C6: variants seen among roughly 807,000 people sequenced by gnomAD.
The protein encoded by C6 is complement C6.
C6 carries 101 observed loss-of-function variants against 112.9 expected under a neutral mutation model. That is an observed-to-expected ratio of 0.89 (90% CI 0.76 to 1.06). C6 has a LOEUF of 1.06. Among genes scored for constraint, C6 ranks in the 50% least tolerant of loss-of-function variants. C6 has a pLI of 0.00. For missense variants in C6, 1,202 were observed against 1,104.6 expected (o/e 1.09, Z -1.25); for synonymous variants, 431 against 384.1 (o/e 1.12, Z -1.43).
intron 9 of C6, among the ~76,000 whole-genome samples, chr5:41,167,485 T>C (rs1201801864): frequency 6.6e-6 from 1 of 152,140 alleles, no homozygotes; most frequent in Non-Finnish European, 1.5e-5. Context: ...GATGGATTCC[T>C]TAGTGCAGGC....
intron 17 of C6, among the ~76,000 whole-genome samples, chr5:41,146,354 T>C (rs1001186152): frequency 2.0e-5 from 3 of 152,010 alleles, no homozygotes; most frequent in African/African-American, 7.2e-5. Flanking sequence ...AGGAAAAGAG[T>C]AGCTAAGAGC....
chr5:41,194,477 G>T (rs2150351855), intron 5 of C6, among the ~76,000 whole-genome samples: 2 of 152,140 alleles, frequency 1.3e-5, no homozygotes, highest in East Asian at 3.9e-4. Flanking sequence ...CTCGGGTTTG[G>T]TTCAATATTT....
At chr5:41,232,411 T>C (rs1016056120) in intron 1 of C6, among the ~76,000 whole-genome samples, 2 of 152,128 alleles carry the variant, frequency 1.3e-5, no homozygotes, top group Non-Finnish European at 2.9e-5. Flanking sequence ...AGAGAATTTG[T>C]CTTAACCACA....
chr5:41,230,586 G>T (rs1486708448), intron 1 of C6, among the ~76,000 whole-genome samples: 1 of 152,158 alleles, frequency 6.6e-6, no homozygotes, highest in African/African-American at 2.4e-5. Context: ...TCAAGACAAT[G>T]TGTGCACAGC....
chr5:41,210,358 T>C (rs918737054), intron 1 of C6, among the ~76,000 whole-genome samples: 2 of 152,054 alleles, frequency 1.3e-5, no homozygotes, highest in Non-Finnish European at 2.9e-5. Context: ...AAAGCCAAAA[T>C]TGACAAATGG....
chr5:41,183,412 A>T (rs144172933), intron 6 of C6, among the ~76,000 whole-genome samples: 2 of 152,312 alleles, frequency 1.3e-5, no homozygotes, highest in African/African-American at 4.8e-5. Flanking sequence ...GAGAAATGCA[A>T]ATCAAAGCCA....
Position 41,195,866 on chromosome 5 carries a change from C to T in C6, c.513G>A (p.Arg171=). The T allele has an allele frequency of 6.2e-7, 1 of 1,613,996 alleles. No individual in the cohort carries two copies. Among genetic ancestry groups the T allele is most frequent in the Non-Finnish European group, 8.5e-7 (1 of 1,179,936 alleles). The stretch of plus-strand genomic sequence containing the variant: ...ATACTGCCTTTGTCCTCCCACAGTC[C>T]CTTTCATCTGAATTGTCTCCACAGT... ...ENDCGDNSDE[R]DCGRTKAVCT... is the part of the protein sequence containing the mutation. The change falls in exon 5 of 18, where the codon AGG becomes AGA. Residue 171 remains arginine, a synonymous_variant. Transcript: ENST00000337836.
At position 41,149,801 on chromosome 5, in the gene C6, C is replaced by G. The variant is rs1430884314; in HGVS notation, c.2381+134G>C. 4.1e-6 allele frequency: 3 copies of G among 729,304 alleles called. No individual in the cohort carries two copies. The East Asian group carries it at 8.0e-5, about 19-fold the overall frequency. The allele number at this position is 729,304 out of a possible 1,614,324, so 45.2% of individuals were successfully genotyped here. A position where few individuals can be genotyped will look rare whatever the true frequency, so the allele number is the denominator to read the frequency against. On this transcript the variant is annotated intron_variant, in intron 16 of 17. Transcript: ENST00000337836. ...ATGGGGAAGGAGGAATTCAGCAGAG[C>G]ACAGGAATATCAGTTATGTGGAAAA...
chr5:41,146,768 T>C (rs1580017202), intron 17 of C6, among the ~76,000 whole-genome samples: 1 of 152,100 alleles, frequency 6.6e-6, no homozygotes, highest in Non-Finnish European at 1.5e-5. Context: ...TAAAACAAAG[T>C]TAAACACCTC....
At chr5:41,217,040 G>C (rs2150400552), upstream of C6, among the ~76,000 whole-genome samples, 1 of 152,086 alleles carries the variant, frequency 6.6e-6, no homozygotes, top group Non-Finnish European at 1.5e-5. Flanking sequence ...TCCTCAAAAT[G>C]GCCTATGGTT....
intron 1 of C6, among the ~76,000 whole-genome samples, chr5:41,205,793 G>A (rs1034502252): frequency 5.9e-5 from 9 of 152,232 alleles, no homozygotes; most frequent in South Asian, 2.1e-4. Flanking sequence ...ACCTCTGGGG[G>A]CAGGCATAGC....
At chr5:41,154,338 C>T (rs1188960865) in intron 14 of C6, among the ~76,000 whole-genome samples, 3 of 152,212 alleles carry the variant, frequency 2.0e-5, no homozygotes, top group Admixed American at 6.5e-5. Flanking sequence ...CAAGTTACCA[C>T]GCTATGACTG....
intron 1 of C6, among the ~76,000 whole-genome samples, chr5:41,231,784 T>G (rs1001017438): frequency 4.6e-5 from 7 of 152,126 alleles, no homozygotes; most frequent in Non-Finnish European, 8.8e-5. Flanking sequence ...CTGTCTTGCC[T>G]GGTAATTTTT....
intron 1 of C6, among the ~76,000 whole-genome samples, chr5:41,207,779 G>C (rs189997131): frequency 6.6e-6 from 1 of 152,150 alleles, no homozygotes; most frequent in African/African-American, 2.4e-5. Flanking sequence ...AATAATAATG[G>C]GAGATTTTAA....
At chr5:41,240,410 A>G (rs539273066) in intron 1 of C6, among the ~76,000 whole-genome samples, 1 of 152,208 alleles carries the variant, frequency 6.6e-6, no homozygotes, top group East Asian at 1.9e-4. Flanking sequence ...CTGTGGATCA[A>G]GCAGATGGGT....
At chr5:41,254,030 G>A (rs1490763783) in intron 1 of C6, among the ~76,000 whole-genome samples, 7 of 152,140 alleles carry the variant, frequency 4.6e-5, no homozygotes, top group Admixed American at 4.6e-4. Flanking sequence ...AATAGTACAT[G>A]TTTCTAGGAA....
chr5:41,203,534 A>T, intron 1 of C6: 1 of 383,992 alleles, frequency 2.6e-6, no homozygotes, highest in Non-Finnish European at 5.0e-6. Context: ...TGTATTTGTA[A>T]TCCATTTCAT....
chr5:41,142,367 C>T lies in C6; in HGVS notation c.*458G>A, dbSNP rs1308586957. On this transcript the variant is annotated 3_prime_UTR_variant, in exon 18 of 18. Transcript: ENST00000337836. Reference sequence around the variant, plus strand: ...AGGACTTTGGTCAGTACTTGACATCCTGTATACACACTCAGAAATTATTTG... The same window carrying T: ...AGGACTTTGGTCAGTACTTGACATCTTGTATACACACTCAGAAATTATTTG... The T allele has an allele frequency of 5.2e-6, 1 of 192,254 alleles. No individual in the cohort carries two copies. 11.9% of individuals were successfully genotyped at this position (192,254 alleles called of 1,614,324 possible). A position where few individuals can be genotyped will look rare whatever the true frequency, so the allele number is the denominator to read the frequency against.
chr5:41,213,369 T>TAATATGATGTAACTTAAA lies in C6; in HGVS notation c.-21+6_-21+7insTTTAAGTTACATCATATT. The TAATATGATGTAACTTAAA allele has an allele frequency of 1.0e-6, 1 of 972,450 alleles. No individual in the cohort carries two copies. Among genetic ancestry groups the TAATATGATGTAACTTAAA allele is most frequent in the Non-Finnish European group, 1.2e-6 (1 of 818,110 alleles). 60.2% of individuals were successfully genotyped at this position (972,450 alleles called of 1,614,324 possible). A position where few individuals can be genotyped will look rare whatever the true frequency, so the allele number is the denominator to read the frequency against. ...AAGATTGAAAATGAAATCATCATAT[T>TAATATGATGTAACTTAAA]ACTCACCTTTAAGCAGAGTTTGTGG... On this transcript the variant is annotated splice_region_variant and intron_variant, in intron 1 of 17. Coordinates refer to ENST00000337836, the MANE Select transcript of C6 (RefSeq NM_000065.5).
Sources: allele counts gnomAD v4.1 joint callset (sites outside exome capture counted in the v4.1 genomes callset), GRCh38; gene constraint gnomAD v4.1.1; transcripts MANE v1.5; gene names NCBI Gene and HGNC (gene_info 2026-07-23, HGNC 2026-07-21).